RPH3A: variants seen among roughly 807,000 people sequenced by gnomAD.
RPH3A encodes the protein rabphilin 3A, also known as rabphilin-3A.
In RPH3A, 48 loss-of-function variants were observed where a neutral mutation model predicts 102.2. The observed-to-expected ratio is 0.47, with a 90% CI of 0.37 to 0.60. The LOEUF is 0.60. Ranked by LOEUF, RPH3A falls within the 20% of genes least tolerant of loss-of-function variation. The probability of loss-of-function intolerance (pLI) is 0.00; values close to 1 mark genes in which losing one functional copy is unlikely to be tolerated. For synonymous variants in RPH3A, 310 were observed against 324.3 expected (o/e 0.96, Z 0.47); for missense variants, 781 against 910.1 (o/e 0.86, Z 1.83).
intron 1 of RPH3A, among the ~76,000 whole-genome samples, chr12:112,622,529 G>A (rs1429571391): frequency 5.0e-5 from 7 of 139,100 alleles, no homozygotes; most frequent in Admixed American, 4.4e-4. Flanking sequence ...AAAGAAATGA[G>A]CAAAGCCTCC....
intron 10 of RPH3A, among the ~76,000 whole-genome samples, chr12:112,874,395 A>C (rs2042759262): frequency 6.6e-6 from 1 of 152,226 alleles, no homozygotes. Context: ...TATAAAATGG[A>C]GATCATAAGG....
At chr12:112,787,661 C>T (rs1213009031), upstream of RPH3A, among the ~76,000 whole-genome samples, 2 of 152,202 alleles carry the variant, frequency 1.3e-5, no homozygotes, top group Admixed American at 6.5e-5. Context: ...ATTCCAGTCT[C>T]ACCACTTATG....
At chr12:112,663,542 A>G (rs923709098) in intron 1 of RPH3A, among the ~76,000 whole-genome samples, 3 of 152,018 alleles carry the variant, frequency 2.0e-5, no homozygotes, top group Non-Finnish European at 4.4e-5. Flanking sequence ...TTTTTTATAG[A>G]GACAGCGTCT....
In RPH3A at chr12:112,629,823, A is replaced by G. The variant is rs57012365; in HGVS notation, c.-140+54504A>G. On this transcript the variant is annotated intron_variant, in intron 1 of 21. Coordinates refer to the RPH3A transcript ENST00000543106. Reference sequence around the variant, plus strand: ...AGTAGATGCTATTTATCAAGCCCTTATGCACTAGGCACAGTGCTAACATCT... The same window carrying G: ...AGTAGATGCTATTTATCAAGCCCTTGTGCACTAGGCACAGTGCTAACATCT... 7.8e-3 allele frequency among the ~76,000 whole-genome samples: 1,185 copies of G among 152,290 alleles called. 12 individuals carry two copies. The highest frequency in any genetic ancestry group is 0.027 in the African/African-American group (1,127 of 41,554).
chr12:112,615,809 T>A (rs1183553255), intron 1 of RPH3A, among the ~76,000 whole-genome samples: 1 of 152,176 alleles, frequency 6.6e-6, no homozygotes, highest in Non-Finnish European at 1.5e-5. Context: ...GTAAGTTACT[T>A]CACCTCCCTG....
chr12:112,748,479 A>C (rs1422903311), intron 1 of RPH3A, among the ~76,000 whole-genome samples: 4 of 152,132 alleles, frequency 2.6e-5, no homozygotes, highest in Non-Finnish European at 4.4e-5. Context: ...GACTACTGGC[A>C]CATGCCACCA....
chr12:112,659,895 T>TCTTGCA (rs2040037795), intron 1 of RPH3A, among the ~76,000 whole-genome samples: 1 of 152,186 alleles, frequency 6.6e-6, no homozygotes, highest in Non-Finnish European at 1.5e-5. Flanking sequence ...TCCAGTTTCA[T>TCTTGCA]CTTGCACTTT....
intron 1 of RPH3A, among the ~76,000 whole-genome samples, chr12:112,730,595 C>T (rs1193573280): frequency 6.6e-6 from 1 of 152,228 alleles, no homozygotes. Context: ...ATCCTGCTTC[C>T]TCCTTGGTTC....
intron 1 of RPH3A, among the ~76,000 whole-genome samples, chr12:112,716,362 T>TGAAG: frequency 6.6e-6 from 1 of 152,340 alleles, no homozygotes; most frequent in Middle Eastern, 3.4e-3. Flanking sequence ...AATGACTGAA[T>TGAAG]GAAGGAGCAG....
intron 1 of RPH3A, among the ~76,000 whole-genome samples, chr12:112,672,027 T>C (rs1267047929): frequency 6.6e-6 from 1 of 150,432 alleles, no homozygotes. Context: ...GTGACTTAAA[T>C]ATATATATAT....
At chr12:112,660,416 C>G (rs1019237372) in intron 1 of RPH3A, among the ~76,000 whole-genome samples, 1 of 152,298 alleles carries the variant, frequency 6.6e-6, no homozygotes, top group African/African-American at 2.4e-5. Context: ...GCCACACCCC[C>G]TGCCCCATAC....
intron 6 of RPH3A, among the ~76,000 whole-genome samples, chr12:112,866,179 A>G (rs1335633735): frequency 6.6e-6 from 1 of 152,238 alleles, no homozygotes; most frequent in Non-Finnish European, 1.5e-5. Flanking sequence ...GCTTGATGTC[A>G]CATTTGACAT....
intron 1 of RPH3A, among the ~76,000 whole-genome samples, chr12:112,764,773 C>T (rs1004286910): frequency 6.6e-6 from 1 of 152,108 alleles, no homozygotes; most frequent in African/African-American, 2.4e-5. Context: ...CTGGCATTAC[C>T]TCCTTCTCCC....
chr12:112,717,452 T>C (rs1286015686), intron 1 of RPH3A, among the ~76,000 whole-genome samples: 5 of 152,148 alleles, frequency 3.3e-5, no homozygotes, highest in Admixed American at 3.3e-4. Flanking sequence ...TGCCATTACT[T>C]TTAATTATAT....
At chr12:112,816,067 A>G (rs1315644645) in intron 2 of RPH3A, among the ~76,000 whole-genome samples, 1 of 152,224 alleles carries the variant, frequency 6.6e-6, no homozygotes, top group Non-Finnish European at 1.5e-5. Flanking sequence ...CCTATCCAGC[A>G]GGAGACATTC....
At chr12:112,733,034 G>A (rs1317580811) in intron 1 of RPH3A, among the ~76,000 whole-genome samples, 1 of 152,164 alleles carries the variant, frequency 6.6e-6, no homozygotes, top group Non-Finnish European at 1.5e-5. Context: ...AGCTGCTCCT[G>A]TAATGAGCTG....
At chr12:112,764,741 T>G (rs1226942245) in intron 1 of RPH3A, among the ~76,000 whole-genome samples, 1 of 152,164 alleles carries the variant, frequency 6.6e-6, no homozygotes, top group Non-Finnish European at 1.5e-5. Flanking sequence ...AGCTTTTACC[T>G]TATGGCTCTG....
At chr12:112,756,569 T>G (rs1172588933) in intron 1 of RPH3A, among the ~76,000 whole-genome samples, 2 of 152,188 alleles carry the variant, frequency 1.3e-5, no homozygotes, top group African/African-American at 4.8e-5. Flanking sequence ...ACCATAAATA[T>G]GTACAATTAT....
intron 1 of RPH3A, among the ~76,000 whole-genome samples, chr12:112,614,034 C>T (rs767037653): frequency 2.0e-5 from 3 of 152,052 alleles, no homozygotes; most frequent in Non-Finnish European, 2.9e-5. Flanking sequence ...GAGGAAGGGA[C>T]CACGAGCCAA....
Sources: gnomAD v4.1 joint callset for allele counts (sites outside exome capture counted in the v4.1 genomes callset) on GRCh38, gnomAD v4.1.1 for gene constraint, MANE v1.5 for transcripts, NCBI Gene and HGNC (gene_info 2026-07-23, HGNC 2026-07-21) for gene names.